Variants in PTPN14 observed in about 807,000 individuals in gnomAD.
PTPN14 encodes tyrosine-protein phosphatase non-receptor type 14.
In PTPN14, 53 loss-of-function variants were observed where a neutral mutation model predicts 126.8. The observed-to-expected ratio is 0.42, with a 90% CI of 0.34 to 0.53. PTPN14 has a LOEUF of 0.53. Among genes scored for constraint, PTPN14 ranks in the 20% least tolerant of loss-of-function variants. The pLI is 0.08. For synonymous variants in PTPN14, 630 were observed against 599.3 expected (o/e 1.05, Z -0.75); for missense variants, 1,257 against 1,552.9 (o/e 0.81, Z 3.20).
chr1:214,501,265 G>A (rs1227052775), intron 1 of PTPN14, among the ~76,000 whole-genome samples: 1 of 151,836 alleles, frequency 6.6e-6, no homozygotes, highest in South Asian at 2.1e-4. Context: ...TTTGGAGACG[G>A]AGTTTCGCTC....
Position 214,414,677 on chromosome 1 carries a change from G to C in PTPN14, c.394C>G (p.Arg132Gly), listed in dbSNP as rs1188096687. ...CGAATCACCTGGTCCAATGTACATC[G>C]TAATCGCCCTTCAAGCACATCTTTT... Reference protein sequence around the residue: ...VKKDVLEGRLRCTLDQVIRLA... With the variant: ...VKKDVLEGRLGCTLDQVIRLA... Residue 132 changes from arginine to glycine, a missense_variant, in exon 4 of 19, where the codon CGA (arginine) becomes GGA (glycine). Arg to Gly is a moderately radical substitution (Grantham distance 125). Coordinates refer to ENST00000366956, the MANE Select transcript of PTPN14 (RefSeq NM_005401.5). 1 of 1,614,054 alleles carries C rather than the reference G, an allele frequency of 6.2e-7. No individual in the cohort carries two copies. Among genetic ancestry groups the C allele is most frequent in the Admixed American group, 1.7e-5 (1 of 60,022 alleles).
Position 214,368,753 on chromosome 1 carries a change from C to G in PTPN14, c.3271+704G>C, listed in dbSNP as rs117778066. Among the ~76,000 whole-genome samples, 331 of 152,194 alleles carry G rather than the reference C, an allele frequency of 2.2e-3. 4 individuals are homozygous for G. The highest frequency in any genetic ancestry group is 0.018 in the East Asian group (92 of 5,148). On this transcript the variant is annotated intron_variant, in intron 17 of 18. Transcript: ENST00000366956. ...ATCCCTGCAATTTGGGAGGCTGATG[C>G]GGGCAGATCACTTGAGACCAGGAGT...
At chr1:214,432,442 C>A (rs1363729550) in intron 3 of PTPN14, among the ~76,000 whole-genome samples, 1 of 152,192 alleles carries the variant, frequency 6.6e-6, no homozygotes. Flanking sequence ...CTAGCATATG[C>A]ATATTCAGCA....
intron 10 of PTPN14, among the ~76,000 whole-genome samples, chr1:214,391,720 A>AAAC (rs1553261393): frequency 1.3e-5 from 2 of 150,430 alleles, no homozygotes; most frequent in Admixed American, 6.7e-5. Context: ...AAAAAAAAAA[A>AAAC]CCCAGGACAT....
intron 1 of PTPN14, among the ~76,000 whole-genome samples, chr1:214,536,582 C>T (rs1002812886): frequency 3.3e-5 from 5 of 151,698 alleles, no homozygotes; most frequent in Admixed American, 6.6e-5. Flanking sequence ...CCCAAGAGTT[C>T]GAGACCAGCT....
At chr1:214,547,910 GA>G (rs57550281) in intron 1 of PTPN14, among the ~76,000 whole-genome samples, 8,263 of 125,334 alleles carry the variant, frequency 0.066, 694 homozygotes, top group African/African-American at 0.21. Context: ...CCAATAGACT[GA>G]AAAAAAAAAA....
In PTPN14 at chr1:214,432,230, T is replaced by C. The variant is rs146536027; in HGVS notation, c.345-17504A>G. 2.4e-3 allele frequency among the ~76,000 whole-genome samples: 368 copies of C among 151,410 alleles called. 1 individual carries two copies. Among genetic ancestry groups the C allele is most frequent in the Middle Eastern group, 0.014 (4 of 290 alleles). Reference sequence around the variant, plus strand: ...TCAGTAGGATTTGCAACTAAATAAATGCCACAATACTTGCTTTTATGATTA... The same window carrying C: ...TCAGTAGGATTTGCAACTAAATAAACGCCACAATACTTGCTTTTATGATTA... On this transcript the variant is annotated intron_variant, in intron 3 of 18. Transcript: ENST00000366956.
chr1:214,469,190 T>G (rs1660702466), intron 1 of PTPN14, among the ~76,000 whole-genome samples: 1 of 152,216 alleles, frequency 6.6e-6, no homozygotes, highest in Non-Finnish European at 1.5e-5. Context: ...AGAAGATCTC[T>G]TAGTCCCTTT....
chr1:214,526,117 C>A (rs2102463311), intron 1 of PTPN14, among the ~76,000 whole-genome samples: 1 of 152,136 alleles, frequency 6.6e-6, no homozygotes, highest in Non-Finnish European at 1.5e-5. Flanking sequence ...AGGCGCACAC[C>A]ACCACGCCCA....
At chr1:214,471,676 G>A (rs1660762377) in intron 1 of PTPN14, among the ~76,000 whole-genome samples, 1 of 152,168 alleles carries the variant, frequency 6.6e-6, no homozygotes, top group Non-Finnish European at 1.5e-5. Flanking sequence ...ATGAAGCTAT[G>A]ACAATCCCAT....
At chr1:214,495,914 G>A (rs143941441) in intron 1 of PTPN14, among the ~76,000 whole-genome samples, 2,368 of 152,040 alleles carry the variant, frequency 0.016, 66 homozygotes, top group African/African-American at 0.054. Flanking sequence ...GGCTGGTCTC[G>A]AACTCCCGAC....
At chr1:214,478,901 A>T (rs1660923488) in intron 1 of PTPN14, among the ~76,000 whole-genome samples, 1 of 152,170 alleles carries the variant, frequency 6.6e-6, no homozygotes, top group Admixed American at 6.5e-5. Flanking sequence ...AACAATAGTC[A>T]ATTATTTATT....
At chr1:214,512,184 C>G (rs559854925) in intron 1 of PTPN14, among the ~76,000 whole-genome samples, 31 of 152,230 alleles carry the variant, frequency 2.0e-4, no homozygotes, top group Non-Finnish European at 2.1e-4. Flanking sequence ...TAAATCCACC[C>G]AGGGCCACCC....
At position 214,534,742 on chromosome 1, in the gene PTPN14, A is replaced by AT. The variant is rs57535860; in HGVS notation, c.-155+16440_-155+16441insA. 1.6e-3 allele frequency among the ~76,000 whole-genome samples: 247 copies of AT among 151,944 alleles called. 2 individuals carry two copies. Among genetic ancestry groups the AT allele is most frequent in the African/African-American group, 5.2e-3 (214 of 41,446 alleles). On this transcript the variant is annotated intron_variant, in intron 1 of 18. Transcript: ENST00000366956. ...AATAAATAAATAAATAAATAAATAA[A>AT]AGACGGAATTATTGATCCCGAATCT... is the stretch of plus-strand genomic sequence containing the variant.
chr1:214,413,296 C>A (rs1245153794), intron 4 of PTPN14, among the ~76,000 whole-genome samples: 1 of 152,234 alleles, frequency 6.6e-6, no homozygotes, highest in African/African-American at 2.4e-5. Context: ...ATTGTTTCTT[C>A]CCCTCCAGTC....
intron 1 of PTPN14, among the ~76,000 whole-genome samples, chr1:214,466,682 T>C (rs552959515): frequency 3.3e-5 from 5 of 152,142 alleles, no homozygotes; most frequent in Non-Finnish European, 7.4e-5. Context: ...CCCAACAGAC[T>C]ATCTCTTGCT....
At chr1:214,462,859 G>T (rs4233303) in intron 2 of PTPN14, among the ~76,000 whole-genome samples, 125,968 of 152,024 alleles carry the variant, frequency 0.83, 52,292 homozygotes, top group African/African-American at 0.89. Flanking sequence ...CAAAAAATGG[G>T]TTTTTTTTAA....
chr1:214,510,087 T>C (rs1654936237), intron 1 of PTPN14, among the ~76,000 whole-genome samples: 1 of 152,172 alleles, frequency 6.6e-6, no homozygotes, highest in Non-Finnish European at 1.5e-5. Context: ...ATTGGCCTAA[T>C]TTCAATATTG....
At chr1:214,519,007 G>A (rs905530548) in intron 1 of PTPN14, among the ~76,000 whole-genome samples, 2 of 152,146 alleles carry the variant, frequency 1.3e-5, no homozygotes, top group Non-Finnish European at 2.9e-5. Flanking sequence ...AGCAGCTCAT[G>A]CCTGTAATCC....
Sources: gnomAD v4.1 joint callset for allele counts (sites outside exome capture counted in the v4.1 genomes callset) on GRCh38, gnomAD v4.1.1 for gene constraint, MANE v1.5 for transcripts, NCBI Gene and HGNC (gene_info 2026-07-23, HGNC 2026-07-21) for gene names.